The following SEMA3A variants were observed in gnomAD, a reference collection of about 807,000 sequenced individuals.
SEMA3A encodes semaphorin-3A.
SEMA3A carries 29 observed loss-of-function variants against 97.9 expected under a neutral mutation model. The ratio of observed to expected loss-of-function variants is 0.30; its 90% CI spans 0.22 to 0.40. The LOEUF (loss-of-function observed/expected upper bound fraction) is 0.40. Ranked by LOEUF, SEMA3A falls within the 10% of genes least tolerant of loss-of-function variation. SEMA3A has a pLI of 1.00. For missense variants in SEMA3A, 763 were observed against 951.3 expected (o/e 0.80, Z 2.60); for synonymous variants, 321 against 323.7 (o/e 0.99, Z 0.09).
In SEMA3A at chr7:84,371,580, T is replaced by G. The variant is rs17158960; in HGVS notation, c.-169+244A>C. 0.013 allele frequency among the ~76,000 whole-genome samples: 2,041 copies of G among 151,992 alleles called. 92 individuals carry two copies. In the East Asian group the frequency reaches 0.16, roughly 12 times the overall value. Reference sequence around the variant, plus strand: ...AATTATATCCATCTCATTACTTATATCAAGACAAGCCCTATATCTCATAGA... The same window carrying G: ...AATTATATCCATCTCATTACTTATAGCAAGACAAGCCCTATATCTCATAGA... On this transcript the variant is annotated intron_variant, in intron 2 of 3. Coordinates refer to the SEMA3A transcript ENST00000424555.
At chr7:84,139,049 C>T (rs1796224038) in intron 1 of SEMA3A, among the ~76,000 whole-genome samples, 1 of 151,984 alleles carries the variant, frequency 6.6e-6, no homozygotes, top group Admixed American at 6.6e-5. Flanking sequence ...TTTGAATGTA[C>T]TCCTTCAGAA....
Position 84,222,203 on chromosome 7 carries a change from GA to G in SEMA3A, c.-82-27536del, listed in dbSNP as rs1471534579. On this transcript the variant is annotated intron_variant, in intron 3 of 3. Coordinates refer to the SEMA3A transcript ENST00000424555. Reference sequence around the variant, plus strand: ...ATGAAAAAATGATCTAACAATATTTGAATTAAAATATAAAGGGAATTAAATT... The same window carrying G: ...ATGAAAAAATGATCTAACAATATTTGATTAAAATATAAAGGGAATTAAATT... 2.6e-5 allele frequency among the ~76,000 whole-genome samples: 4 copies of G among 151,870 alleles called. No homozygotes were observed. The East Asian group carries it at 7.7e-4, about 29-fold the overall frequency.
At chr7:83,963,573 T>C (rs1002882633) in intron 15 of SEMA3A, among the ~76,000 whole-genome samples, 2 of 152,184 alleles carry the variant, frequency 1.3e-5, no homozygotes, top group African/African-American at 4.8e-5. Context: ...AGACGGAGAT[T>C]TGTCTACCAG....
intron 3 of SEMA3A, among the ~76,000 whole-genome samples, chr7:84,230,227 C>A (rs866297269): frequency 6.6e-6 from 1 of 151,946 alleles, no homozygotes; most frequent in African/African-American, 2.4e-5. Flanking sequence ...TCTTCCTATA[C>A]TCACTTTTTA....
chr7:84,100,716 G>A (rs1583967596), intron 4 of SEMA3A, among the ~76,000 whole-genome samples: 1 of 152,056 alleles, frequency 6.6e-6, no homozygotes, highest in South Asian at 2.1e-4. Flanking sequence ...TTTTATTAAA[G>A]CCATTCTTAT....
At chr7:84,224,504 TA>T (rs1004821685) in intron 3 of SEMA3A, among the ~76,000 whole-genome samples, 19 of 151,702 alleles carry the variant, frequency 1.3e-4, no homozygotes, top group Non-Finnish European at 5.9e-5. Flanking sequence ...ATTTATGTTT[TA>T]AAAAAAACAG....
intron 6 of SEMA3A, among the ~76,000 whole-genome samples, chr7:84,023,097 A>T (rs1271562348): frequency 2.0e-5 from 3 of 152,224 alleles, no homozygotes; most frequent in Non-Finnish European, 4.4e-5. Flanking sequence ...TGCCACTTGT[A>T]ACAGTACCAC....
chr7:83,996,613 C>T (rs1170108948), intron 12 of SEMA3A, among the ~76,000 whole-genome samples: 1 of 152,104 alleles, frequency 6.6e-6, no homozygotes, highest in African/African-American at 2.4e-5. Flanking sequence ...TACTAGTAAT[C>T]TTAATTTTAA....
intron 13 of SEMA3A, among the ~76,000 whole-genome samples, chr7:83,983,119 A>C (rs915319015): frequency 6.6e-6 from 1 of 152,128 alleles, no homozygotes; most frequent in Non-Finnish European, 1.5e-5. Flanking sequence ...AGGACAAATT[A>C]AGAAATGATG....
At chr7:84,215,634 G>A (rs188477846) in intron 3 of SEMA3A, among the ~76,000 whole-genome samples, 5 of 152,112 alleles carry the variant, frequency 3.3e-5, no homozygotes, top group African/African-American at 9.6e-5. Flanking sequence ...TTGTTTATGT[G>A]GATTCTATTA....
chr7:84,360,818 G>T (rs1584264502), intron 2 of SEMA3A, among the ~76,000 whole-genome samples: 1 of 151,626 alleles, frequency 6.6e-6, no homozygotes, highest in East Asian at 2.0e-4. Flanking sequence ...TTTTTTGAGA[G>T]TGTCTCGCTG....
chr7:84,170,170 C>A (rs1210406772), intron 1 of SEMA3A, among the ~76,000 whole-genome samples: 1 of 151,882 alleles, frequency 6.6e-6, no homozygotes, highest in Non-Finnish European at 1.5e-5. Flanking sequence ...ATGAACACTG[C>A]CTGGTGCTCT....
intron 1 of SEMA3A, among the ~76,000 whole-genome samples, chr7:84,398,476 C>A (rs770617081): frequency 1.3e-5 from 2 of 152,050 alleles, no homozygotes; most frequent in African/African-American, 2.4e-5. Context: ...TGACTGAAGC[C>A]GTTAAAAATC....
At position 84,154,700 on chromosome 7, in the gene SEMA3A, A is replaced by C. The variant is rs189368046; in HGVS notation, c.113-19749T>G. 1.1e-3 allele frequency among the ~76,000 whole-genome samples: 170 copies of C among 151,526 alleles called. 1 individual carries two copies. The East Asian group carries it at 0.012, about 11-fold the overall frequency. ...CAGGGAAAAAAAAAAACAAAAAAAA[A>C]AAACAAAAAAAAGACAGATGATGAC... On this transcript the variant is annotated intron_variant, in intron 1 of 16. Coordinates refer to ENST00000265362, the MANE Select transcript of SEMA3A (RefSeq NM_006080.3).
At chr7:84,079,956 A>T (rs10259999) in intron 4 of SEMA3A, among the ~76,000 whole-genome samples, 53,489 of 139,346 alleles carry the variant, frequency 0.38, 12,027 homozygotes, top group African/African-American at 0.65. Context: ...ACCAACCCAA[A>T]TGTCCAACAA....
At chr7:84,380,634 A>G (rs145406457) in intron 1 of SEMA3A, among the ~76,000 whole-genome samples, 2,007 of 152,326 alleles carry the variant, frequency 0.013, 48 homozygotes, top group African/African-American at 0.045. Flanking sequence ...TTAAAAAGTT[A>G]GTGGCTGAAA....
At chr7:84,334,994 A>G (rs1802002689) in intron 2 of SEMA3A, among the ~76,000 whole-genome samples, 1 of 152,110 alleles carries the variant, frequency 6.6e-6, no homozygotes, top group Non-Finnish European at 1.5e-5. Flanking sequence ...TCTTTCTAAA[A>G]TGTGGTACAA....
rs557569053 is a variant in SEMA3A at position 84,031,168 on chromosome 7, A to T, written c.667+15156T>A. On this transcript the variant is annotated intron_variant, in intron 6 of 16. Coordinates refer to ENST00000265362, the MANE Select transcript of SEMA3A (RefSeq NM_006080.3). ...CCACCACGCCTCGCTAGTTTTTTGT[A>T]TTCTAGTAGAGACAGGGTTTCACCA... is the stretch of plus-strand genomic sequence containing the variant. 5.3e-5 allele frequency among the ~76,000 whole-genome samples: 8 copies of T among 151,380 alleles called. No individual in the cohort carries two copies. The South Asian group carries it at 1.7e-3, about 32-fold the overall frequency.
At chr7:84,051,792 C>T (rs76789271) in intron 5 of SEMA3A, among the ~76,000 whole-genome samples, 84,885 of 146,354 alleles carry the variant, frequency 0.58, 25,874 homozygotes, top group East Asian at 0.76. Context: ...TTGTGCCAGT[C>T]TTCAAAGGGA....
Sources: gnomAD v4.1 joint callset for allele counts (sites outside exome capture counted in the v4.1 genomes callset) on GRCh38, gnomAD v4.1.1 for gene constraint, MANE v1.5 for transcripts, NCBI Gene and HGNC (gene_info 2026-07-23, HGNC 2026-07-21) for gene names.